The following CELF5 variants were observed in gnomAD, a reference collection of about 807,000 sequenced individuals.
CELF5 encodes CUG-BP and ETR-3 like factor 5.
In CELF5, 6 loss-of-function variants were observed where a neutral mutation model predicts 54.9. That is an observed-to-expected ratio of 0.11 (90% CI 0.06 to 0.22). The LOEUF (loss-of-function observed/expected upper bound fraction) is 0.22. CELF5 is among the 10% of genes least tolerant of loss of function. The pLI is 1.00. For synonymous variants in CELF5, 271 were observed against 290.9 expected, an observed-to-expected ratio of 0.93 and a Z score of 0.70; for missense variants, 401 against 678.6, an observed-to-expected ratio of 0.59 and a Z score of 4.54.
rs2080160715 is a variant in CELF5, at chr19:3,282,036, C to G, written c.751-90C>G. 1 of 1,467,004 alleles carries G rather than the reference C, an allele frequency of 6.8e-7. No individual in the cohort carries two copies. Among genetic ancestry groups the G allele is most frequent in the Non-Finnish European group, 9.5e-7 (1 of 1,057,292 alleles). The allele number at this position is 1,467,004 out of a possible 1,614,324, so 90.9% of individuals were successfully genotyped here. A position where few individuals can be genotyped will look rare whatever the true frequency, so the allele number is the denominator to read the frequency against. ...GAGCCAAGATACCCAGCCTGACCTC[C>G]TCACTAGTAACTGGGGTACCAAGCC... On this transcript the variant is annotated intron_variant, in intron 6 of 12. Coordinates refer to ENST00000292672, the MANE Select transcript of CELF5 (RefSeq NM_021938.4). The surrounding 1 kb of genome is among the most constrained non-coding windows in gnomAD (Gnocchi z 5.2).
At chr19:3,237,886 A>G (rs1159624036) in intron 1 of CELF5, among the ~76,000 whole-genome samples, 3 of 151,534 alleles carry the variant, frequency 2.0e-5, no homozygotes, top group South Asian at 2.1e-4. Context: ...CGTCTCTACT[A>G]AAAAATACAA....
intron 2 of CELF5, among the ~76,000 whole-genome samples, chr19:3,255,610 C>T (rs2079713942): frequency 6.6e-6 from 1 of 152,170 alleles, no homozygotes; most frequent in South Asian, 2.1e-4. Flanking sequence ...GTTGCCTTCT[C>T]TCTGCTTCCA....
At chr19:3,247,017 A>T (rs1261660294) in intron 1 of CELF5, among the ~76,000 whole-genome samples, 1 of 152,186 alleles carries the variant, frequency 6.6e-6, no homozygotes, top group Non-Finnish European at 1.5e-5. Context: ...CATGGTGGGG[A>T]CACCATCGTG....
At chr19:3,283,691 C>CA (rs1351597665) in intron 8 of CELF5, among the ~76,000 whole-genome samples, 1 of 152,110 alleles carries the variant, frequency 6.6e-6, no homozygotes, top group East Asian at 1.9e-4. Flanking sequence ...CAAAATACCA[C>CA]AGAGCAGTCC....
intron 2 of CELF5, among the ~76,000 whole-genome samples, chr19:3,254,964 C>T (rs542830677): frequency 6.6e-6 from 1 of 151,918 alleles, no homozygotes; most frequent in Non-Finnish European, 1.5e-5. Flanking sequence ...ATGTATACAT[C>T]CATCCACCTA....
chr19:3,259,763 C>T (rs391163), intron 2 of CELF5, among the ~76,000 whole-genome samples: 150,946 of 152,074 alleles, frequency 0.99, 74,915 homozygotes, highest in Middle Eastern at 1. Context: ...GGAACATTTA[C>T]GGTTGTCACG....
intron 2 of CELF5, among the ~76,000 whole-genome samples, chr19:3,270,376 G>T (rs2079940764): frequency 6.6e-6 from 1 of 152,070 alleles, no homozygotes; most frequent in African/African-American, 2.4e-5. Context: ...ACTCGGCAGA[G>T]ACCTCGGTGG....
chr19:3,292,480 G>C (rs1233093846), intron 11 of CELF5, among the ~76,000 whole-genome samples: 15 of 138,104 alleles, frequency 1.1e-4, no homozygotes, highest in Middle Eastern at 4.9e-3. Flanking sequence ...GACGGGGTTT[G>C]ACCATGTTGG....
chr19:3,249,048 C>G (rs895317941), intron 1 of CELF5, among the ~76,000 whole-genome samples: 3 of 151,882 alleles, frequency 2.0e-5, no homozygotes, highest in Non-Finnish European at 4.4e-5. Context: ...GATTCCCTAC[C>G]CCCTCCCCAC....
At chr19:3,277,197 T>C (rs536618341) in intron 4 of CELF5, among the ~76,000 whole-genome samples, 6 of 152,176 alleles carry the variant, frequency 3.9e-5, no homozygotes, top group Non-Finnish European at 8.8e-5. Flanking sequence ...AATTGAGGGC[T>C]GGGCGTGGTG....
At chr19:3,263,579 C>G (rs1775478947) in intron 2 of CELF5, among the ~76,000 whole-genome samples, 1 of 147,728 alleles carries the variant, frequency 6.8e-6, no homozygotes, top group South Asian at 2.3e-4. Context: ...AAGAAACAAA[C>G]AAACAAACAA....
intron 1 of CELF5, among the ~76,000 whole-genome samples, chr19:3,245,633 C>T (rs1354294335): frequency 6.6e-6 from 1 of 151,548 alleles, no homozygotes; most frequent in African/African-American, 2.4e-5. Flanking sequence ...CTGCCTGCAG[C>T]CCAATTTCTT....
intron 11 of CELF5, 87 bp from the exon 12 acceptor site, chr19:3,293,232 G>C: frequency 6.4e-7 from 1 of 1,561,218 alleles, no homozygotes; most frequent in Non-Finnish European, 8.7e-7. Context: ...TCAGGACCCC[G>C]TGAGCCGGGA....
At chr19:3,253,101 TA>T (rs112735398) in intron 2 of CELF5, among the ~76,000 whole-genome samples, 28,972 of 142,508 alleles carry the variant, frequency 0.2, 3,201 homozygotes, top group East Asian at 0.54. Context: ...AAAAGTACAT[TA>T]AAAAAAAAAA....
chr19:3,235,646 G>GATGGA (rs1568330031), intron 1 of CELF5, among the ~76,000 whole-genome samples: 463 of 44,638 alleles, frequency 0.01, 7 homozygotes, highest in African/African-American at 0.039. Flanking sequence ...GGGTGGATGA[G>GATGGA]TGGATGGATG....
chr19:3,249,609 C>G (rs1771168480), intron 1 of CELF5, among the ~76,000 whole-genome samples: 2 of 152,182 alleles, frequency 1.3e-5, no homozygotes, highest in Non-Finnish European at 2.9e-5. Context: ...CAATCCCAGC[C>G]TCACTCTGGG....
At chr19:3,296,349 A>AT (rs1169289324) in intron 12 of CELF5, 1 of 148,994 alleles carries the variant, frequency 6.7e-6, no homozygotes, top group Admixed American at 6.7e-5. Context: ...AAAAAAAAAA[A>AT]AAAAAACCAA....
intron 1 of CELF5, among the ~76,000 whole-genome samples, chr19:3,233,693 A>G (rs930943842): frequency 2.0e-5 from 3 of 151,892 alleles, no homozygotes; most frequent in African/African-American, 7.3e-5. Context: ...GAGGGAGGAG[A>G]AGAGGGCAGA....
At chr19:3,293,584 G>T (rs923829055) in intron 12 of CELF5, 98 bp downstream of exon 12, 26 of 1,094,984 alleles carry the variant, frequency 2.4e-5, no homozygotes, top group Non-Finnish European at 3.3e-5. Flanking sequence ...CCCCAGGTGG[G>T]GTGATGCTTC....
Sources: allele counts gnomAD v4.1 joint callset (sites outside exome capture counted in the v4.1 genomes callset), GRCh38; gene constraint gnomAD v4.1.1; non-coding constraint Gnocchi (gnomAD v3.1); transcripts MANE v1.5; gene names NCBI Gene and HGNC (gene_info 2026-07-23, HGNC 2026-07-21).